MN1: variants seen among roughly 807,000 people sequenced by gnomAD.
The protein encoded by MN1 is MN1 proto-oncogene, transcriptional regulator, also known as transcriptional activator MN1.
Under a neutral mutation model 86.9 loss-of-function variants are expected in MN1, and 19 were observed. The ratio of observed to expected loss-of-function variants is 0.22; its 90% CI spans 0.15 to 0.32. MN1 has a LOEUF of 0.32. MN1 is among the 10% of genes least tolerant of loss of function. MN1 has a pLI of 1.00. For missense variants in MN1, 1,841 were observed against 1,862.0 expected (o/e 0.99, Z 0.21); for synonymous variants, 928 against 849.6 (o/e 1.09, Z -1.60).
chr22:27,801,690 G>A lies in MN1; in HGVS notation c.-1147C>T, dbSNP rs1375018015. 1.3e-5 allele frequency among the ~76,000 whole-genome samples: 2 copies of A among 152,206 alleles called. No homozygotes were observed. Among genetic ancestry groups the A allele is most frequent in the African/African-American group, 4.8e-5 (2 of 41,474 alleles). Reference sequence around the variant, plus strand: ...GACTAGCGGGGGGGCTCTGCGTGGGGCGTTCCGAGGGTCTCGGCTCCCCTC... The same window carrying A: ...GACTAGCGGGGGGGCTCTGCGTGGGACGTTCCGAGGGTCTCGGCTCCCCTC... On this transcript the variant is annotated 5_prime_UTR_variant, in exon 1 of 2. Coordinates refer to ENST00000302326, the MANE Select transcript of MN1 (RefSeq NM_002430.3).
At chr22:27,768,351 T>A (rs912527799) in intron 1 of MN1, among the ~76,000 whole-genome samples, 1 of 152,138 alleles carries the variant, frequency 6.6e-6, no homozygotes, top group South Asian at 2.1e-4. Flanking sequence ...CAGGGAGGCA[T>A]GCAATGCAAA....
In MN1 at chr22:27,800,522, C is replaced by A. The variant is rs1370445279; in HGVS notation, c.22G>T (p.Glu8Ter). ...GCGTTCCTGCTGTTGACCTGGGGCT[C>A]GAATTGGTCCAGCCCAAACATACTT... The part of the protein sequence containing the change: MFGLDQF[E>*]PQVNSRNAGQ... Residue 8 changes from glutamate (E) to a stop codon, truncating the protein, a stop_gained, in exon 1 of 2, where the codon GAG (glutamate) becomes TAG (stop). Transcript: ENST00000302326. LOFTEE classifies it high-confidence loss of function. 6.2e-7 allele frequency: 1 copy of A among 1,614,168 alleles called. No individual in the cohort carries two copies.
Position 27,772,621 on chromosome 22 carries a change from G to C in MN1, c.3782-21525C>G, listed in dbSNP as rs554847165. Among the ~76,000 whole-genome samples, 7 of 152,262 alleles carry C rather than the reference G, an allele frequency of 4.6e-5. No individual in the cohort carries two copies. The East Asian group carries it at 1.4e-3, about 30-fold the overall frequency. On this transcript the variant is annotated intron_variant, in intron 1 of 1. Transcript: ENST00000302326. ...ACGTCTGTGGGGCACCAGGAGAGTG[G>C]TGTGCTGGTGAGAGCCTGGGTGAAG...
intron 1 of MN1, among the ~76,000 whole-genome samples, chr22:27,794,643 C>T (rs562379316): frequency 6.6e-6 from 1 of 152,274 alleles, no homozygotes; most frequent in South Asian, 2.1e-4. Context: ...TCATTCACAG[C>T]CTGCATCTTC....
In MN1 at chr22:27,782,019, C is replaced by T. The variant is rs1005693772; in HGVS notation, c.3781+14744G>A. 3.3e-5 allele frequency among the ~76,000 whole-genome samples: 5 copies of T among 152,208 alleles called. No homozygotes were observed. In the South Asian group the frequency reaches 6.2e-4, roughly 19 times the overall value. Reference sequence around the variant, plus strand: ...GGCTCCTGGCAAAATGATCAGGGGCCGCGGACCAGCTCATCTCATGGATTC... The same window carrying T: ...GGCTCCTGGCAAAATGATCAGGGGCTGCGGACCAGCTCATCTCATGGATTC... On this transcript the variant is annotated intron_variant, in intron 1 of 1. Coordinates refer to ENST00000302326, the MANE Select transcript of MN1 (RefSeq NM_002430.3).
intron 1 of MN1, among the ~76,000 whole-genome samples, chr22:27,778,096 T>C (rs1038966886): frequency 6.6e-6 from 1 of 152,124 alleles, no homozygotes. Flanking sequence ...ATTAATGCGC[T>C]CTTAAATATT....
At chr22:27,795,285 T>C (rs1479218586) in intron 1 of MN1, among the ~76,000 whole-genome samples, 1 of 152,066 alleles carries the variant, frequency 6.6e-6, no homozygotes. Context: ...TTAGAAAACC[T>C]AAGCGGGAAA....
At chr22:27,772,354 C>T (rs1020654095) in intron 1 of MN1, among the ~76,000 whole-genome samples, 2 of 152,220 alleles carry the variant, frequency 1.3e-5, no homozygotes, top group African/African-American at 4.8e-5. Flanking sequence ...CCGGCTTCTA[C>T]CTGGAAGCAC....
chr22:27,781,841 C>T (rs2146307135), intron 1 of MN1, among the ~76,000 whole-genome samples: 1 of 152,216 alleles, frequency 6.6e-6, no homozygotes, highest in Non-Finnish European at 1.5e-5. Context: ...CAGGGACGCT[C>T]ATTCACTCTC....
Position 27,796,972 on chromosome 22 carries a change from C to G in MN1, c.3572G>C (p.Gly1191Ala), listed in dbSNP as rs750700213. ...KKGECAVGASGAQNGDSELGS... is the reference protein window; with the variant it reads ...KKGECAVGASAAQNGDSELGS... The stretch of plus-strand genomic sequence containing the variant: ...CAGCTCGCTGTCGCCATTCTGCGCC[C>G]CTGAGGCCCCGACGGCGCACTCACC... Residue 1191 changes from glycine to alanine, a missense_variant, in exon 1 of 2, where the codon GGG becomes GCG. Gly to Ala is a moderately conservative substitution (Grantham distance 60). Transcript: ENST00000302326. 4 of 1,612,398 alleles carry G rather than the reference C, an allele frequency of 2.5e-6. No homozygotes were observed. Among genetic ancestry groups the G allele is most frequent in the Non-Finnish European group, 3.4e-6 (4 of 1,179,702 alleles).
In MN1 at chr22:27,750,878, G is replaced by A. The variant is rs1932757464; in HGVS notation, c.*37C>T. On this transcript the variant is annotated 3_prime_UTR_variant, in exon 2 of 2. Transcript: ENST00000302326. ...GGGGAAGGAAACAGACAGGGGGAGA[G>A]GAAGGGCCTGGTAGAGGAGGGGATC... The A allele has an allele frequency of 1.3e-6, 2 of 1,525,468 alleles. No homozygotes were observed. The highest frequency in any genetic ancestry group is 2.3e-5 in the East Asian group (1 of 42,912). The allele number at this position is 1,525,468 out of a possible 1,614,324, so 94.5% of individuals were successfully genotyped here. A position where few individuals can be genotyped will look rare whatever the true frequency, so the allele number is the denominator to read the frequency against.
intron 1 of MN1, among the ~76,000 whole-genome samples, chr22:27,767,898 A>G (rs1004542861): frequency 6.6e-5 from 10 of 152,180 alleles, no homozygotes; most frequent in African/African-American, 2.4e-4. Context: ...CATTTCATGT[A>G]TATTACTTCA....
intron 1 of MN1, among the ~76,000 whole-genome samples, chr22:27,778,656 G>A (rs1001936278): frequency 6.6e-6 from 1 of 152,256 alleles, no homozygotes; most frequent in Non-Finnish European, 1.5e-5. Flanking sequence ...GGGCAGTAAG[G>A]AGATCAGTCC....
chr22:27,785,756 C>A (rs1298897053), intron 1 of MN1, among the ~76,000 whole-genome samples: 1 of 148,052 alleles, frequency 6.8e-6, no homozygotes, highest in Admixed American at 6.7e-5. Flanking sequence ...GCCCCCCCCC[C>A]ATGGCCCCTC....
rs1932755468 is a variant in MN1 at position 27,750,670 on chromosome 22, T to A, written c.*245A>T. 2.7e-6 allele frequency: 1 copy of A among 374,502 alleles called. No individual in the cohort carries two copies. 23.2% of individuals were successfully genotyped at this position (374,502 alleles called of 1,614,324 possible). On this transcript the variant is annotated 3_prime_UTR_variant, in exon 2 of 2. Transcript: ENST00000302326. ...TTGCTAACTGCAGAAGGGTTAACACTGGTAACATACTGTGGCAGACAAGTT... is the reference window on the plus strand; with the variant it reads ...TTGCTAACTGCAGAAGGGTTAACACAGGTAACATACTGTGGCAGACAAGTT...
rs753693396 is a variant in MN1, at chr22:27,783,132, G to GC, written c.3781+13630dup. On this transcript the variant is annotated intron_variant, in intron 1 of 1. Coordinates refer to ENST00000302326, the MANE Select transcript of MN1 (RefSeq NM_002430.3). The stretch of plus-strand genomic sequence containing the variant: ...CCAACCAGGGGATGTACGTCGTGCT[G>GC]CTTTTTTTTTTTTTTTTCTTGAGAC... Among the ~76,000 whole-genome samples, 674 of 145,680 alleles carry GC rather than the reference G, an allele frequency of 4.6e-3. 5 individuals are homozygous for GC. Among genetic ancestry groups the GC allele is most frequent in the Middle Eastern group, 0.01 (3 of 286 alleles).
At chr22:27,769,570 T>TTTTTTTTTTTTTTA (rs1568974122) in intron 1 of MN1, among the ~76,000 whole-genome samples, 5 of 143,354 alleles carry the variant, frequency 3.5e-5, no homozygotes, top group Admixed American at 7.0e-5. Flanking sequence ...TTTTTTTTTT[T>TTTTTTTTTTTTTTA]GAGACAGAGT....
intron 1 of MN1, among the ~76,000 whole-genome samples, chr22:27,768,308 T>C (rs981181280): frequency 2.0e-5 from 3 of 152,098 alleles, no homozygotes; most frequent in African/African-American, 7.2e-5. Flanking sequence ...TCTCACCCAC[T>C]TACAGGGTCT....
At chr22:27,751,515 G>A (rs1932764522) in intron 1 of MN1, among the ~76,000 whole-genome samples, 1 of 152,180 alleles carries the variant, frequency 6.6e-6, no homozygotes, top group African/African-American at 2.4e-5. Flanking sequence ...GGGTGGAGGG[G>A]AGGATTGTCT....
Sources: allele counts gnomAD v4.1 joint callset (sites outside exome capture counted in the v4.1 genomes callset), GRCh38; gene constraint gnomAD v4.1.1; transcripts MANE v1.5; gene names NCBI Gene and HGNC (gene_info 2026-07-23, HGNC 2026-07-21).